The following PLCB4 variants were observed in gnomAD, a reference collection of about 807,000 sequenced individuals.
The protein encoded by PLCB4 is 1-phosphatidylinositol 4,5-bisphosphate phosphodiesterase beta-4.
In PLCB4, 77 loss-of-function variants were observed where a neutral mutation model predicts 178.8. The observed-to-expected ratio is 0.43, with a 90% CI of 0.36 to 0.52. PLCB4 has a LOEUF of 0.52. Ranked by LOEUF, PLCB4 falls within the 20% of genes least tolerant of loss-of-function variation. The pLI is 0.00. For missense variants in PLCB4, 1,024 were observed against 1,453.4 expected (o/e 0.70, Z 4.80); for synonymous variants, 496 against 490.8 (o/e 1.01, Z -0.14).
At chr20:9,386,007 C>T (rs529670545) in intron 14 of PLCB4, among the ~76,000 whole-genome samples, 2 of 152,332 alleles carry the variant, frequency 1.3e-5, no homozygotes, top group South Asian at 2.1e-4. Flanking sequence ...AATCCCAGCA[C>T]CCCGGGAGGC....
intron 3 of PLCB4, among the ~76,000 whole-genome samples, chr20:9,267,537 T>C (rs2094361027): frequency 6.6e-6 from 1 of 152,158 alleles, no homozygotes; most frequent in Admixed American, 6.5e-5. Context: ...AGTTTTTATT[T>C]GATTTTTGAG....
chr20:9,190,937 C>T (rs1024467405), intron 2 of PLCB4, among the ~76,000 whole-genome samples: 3 of 152,092 alleles, frequency 2.0e-5, no homozygotes, highest in Non-Finnish European at 4.4e-5. Context: ...TAACTACTAA[C>T]CCCCTCCTCC....
At chr20:9,128,804 T>C (rs1452372327) in intron 2 of PLCB4, among the ~76,000 whole-genome samples, 2 of 152,192 alleles carry the variant, frequency 1.3e-5, no homozygotes, top group Non-Finnish European at 2.9e-5. Flanking sequence ...TGAAACTCTA[T>C]ATCCATTGAA....
rs931345163 is a variant in PLCB4 at position 9,177,681 on chromosome 20, G to A, written c.-78-39709G>A. 3.3e-5 allele frequency among the ~76,000 whole-genome samples: 5 copies of A among 152,156 alleles called. No homozygotes were observed. The East Asian group carries it at 5.8e-4, about 18-fold the overall frequency. ...AAGACATTGTGTTGTATGCAAAGAC[G>A]TTTTGATTTGATCCTACTTGTTTTC... On this transcript the variant is annotated intron_variant, in intron 2 of 39. Coordinates refer to ENST00000378473, the MANE Select transcript of PLCB4 (RefSeq NM_001377142.1).
At chr20:9,142,294 G>C (rs2092508716) in intron 2 of PLCB4, among the ~76,000 whole-genome samples, 1 of 152,094 alleles carries the variant, frequency 6.6e-6, no homozygotes, top group Non-Finnish European at 1.5e-5. Context: ...GGAATACAAA[G>C]AAGGAAGAAA....
At chr20:9,148,409 T>A (rs2092635922) in intron 2 of PLCB4, among the ~76,000 whole-genome samples, 1 of 152,174 alleles carries the variant, frequency 6.6e-6, no homozygotes, top group Non-Finnish European at 1.5e-5. Context: ...CATGCCTTGT[T>A]AGATGTCTCA....
At chr20:9,357,617 G>T (rs1212912842) in intron 7 of PLCB4, among the ~76,000 whole-genome samples, 1 of 152,138 alleles carries the variant, frequency 6.6e-6, no homozygotes, top group Non-Finnish European at 1.5e-5. Flanking sequence ...TCATGAGTGT[G>T]GAGCCCTCAG....
At chr20:9,102,334 A>T (rs2146638246) in intron 2 of PLCB4, among the ~76,000 whole-genome samples, 1 of 152,332 alleles carries the variant, frequency 6.6e-6, no homozygotes, top group South Asian at 2.1e-4. Flanking sequence ...TGAAGATGGA[A>T]AGAGGGAAAC....
intron 2 of PLCB4, among the ~76,000 whole-genome samples, chr20:9,192,650 AAAAC>A (rs2093420302): frequency 1.3e-5 from 2 of 150,956 alleles, no homozygotes; most frequent in South Asian, 4.2e-4. Context: ...TGTCTCTACA[AAAAC>A]AAACAAAAAA....
chr20:9,276,269 C>T (rs759998993), intron 3 of PLCB4, among the ~76,000 whole-genome samples: 3 of 152,004 alleles, frequency 2.0e-5, no homozygotes, highest in Non-Finnish European at 4.4e-5. Flanking sequence ...ACCCTGGAGT[C>T]AATGTAGCTA....
At chr20:9,216,775 G>T (rs1209869748) in intron 2 of PLCB4, among the ~76,000 whole-genome samples, 4 of 152,100 alleles carry the variant, frequency 2.6e-5, no homozygotes, top group Non-Finnish European at 4.4e-5. Context: ...AAAGTGTTGG[G>T]ATTATAGGTG....
intron 33 of PLCB4, among the ~76,000 whole-genome samples, chr20:9,456,914 G>A (rs976199857): frequency 6.6e-6 from 1 of 152,252 alleles, no homozygotes. Flanking sequence ...CTGGGCACTC[G>A]CCTAGCATAT....
At chr20:9,413,430 C>A (rs568633988) in intron 25 of PLCB4, among the ~76,000 whole-genome samples, 1 of 151,580 alleles carries the variant, frequency 6.6e-6, no homozygotes, top group Non-Finnish European at 1.5e-5. Context: ...GAGGCCGAGG[C>A]GGGCAGATCA....
chr20:9,285,300 A>G (rs189521227), intron 3 of PLCB4, among the ~76,000 whole-genome samples: 35 of 152,126 alleles, frequency 2.3e-4, no homozygotes, highest in African/African-American at 8.4e-4. Flanking sequence ...TAATTTGATT[A>G]GAGCCAACTT....
chr20:9,440,641 T>C (rs1250928020), intron 30 of PLCB4, among the ~76,000 whole-genome samples: 1 of 152,084 alleles, frequency 6.6e-6, no homozygotes, highest in African/African-American at 2.4e-5. Flanking sequence ...GATTCAAGAG[T>C]TGGGGAAACA....
intron 3 of PLCB4, among the ~76,000 whole-genome samples, chr20:9,301,210 C>CT (rs2094698863): frequency 6.6e-6 from 1 of 151,876 alleles, no homozygotes; most frequent in Admixed American, 6.6e-5. Flanking sequence ...TGCTAAGTCC[C>CT]TTTTTGCCCT....
chr20:9,100,069 A>G (rs2091082131), intron 2 of PLCB4, among the ~76,000 whole-genome samples: 1 of 152,108 alleles, frequency 6.6e-6, no homozygotes, highest in Admixed American at 6.6e-5. Context: ...AAGTAGGCAC[A>G]CTCATGGGAC....
At chr20:9,127,213 A>G (rs886767560) in intron 2 of PLCB4, among the ~76,000 whole-genome samples, 1 of 152,092 alleles carries the variant, frequency 6.6e-6, no homozygotes, top group African/African-American at 2.4e-5. Flanking sequence ...TCTTGTTAAA[A>G]TGCAGCTTCC....
rs374255007 is a variant in PLCB4 at position 9,343,073 on chromosome 20, G to T, written c.369+4036G>T. 4.5e-4 allele frequency among the ~76,000 whole-genome samples: 68 copies of T among 152,222 alleles called. 1 individual carries two copies. In the East Asian group the frequency reaches 0.013, roughly 28 times the overall value. ...GGCTGGGAGAGTCCAGCACTCCCTG[G>T]GCAATCTGTGTATTTTGTTTGTCTT... is the stretch of plus-strand genomic sequence containing the variant. On this transcript the variant is annotated intron_variant, in intron 7 of 39. Transcript: ENST00000378473.
Sources: allele counts gnomAD v4.1 joint callset (sites outside exome capture counted in the v4.1 genomes callset), GRCh38; gene constraint gnomAD v4.1.1; transcripts MANE v1.5; gene names NCBI Gene and HGNC (gene_info 2026-07-23, HGNC 2026-07-21).